The following LARS1 variants were observed in gnomAD, a reference collection of about 807,000 sequenced individuals.
The protein encoded by LARS1 is leucyl-tRNA synthetase 1.
LARS1 carries 100 observed loss-of-function variants against 162.8 expected under a neutral mutation model. The ratio of observed to expected loss-of-function variants is 0.61; its 90% CI spans 0.52 to 0.73. The LOEUF (loss-of-function observed/expected upper bound fraction) is 0.73. Ranked by LOEUF, LARS1 falls within the 30% of genes least tolerant of loss-of-function variation. The probability of loss-of-function intolerance (pLI) is 0.00; values close to 1 mark genes in which losing one functional copy is unlikely to be tolerated. For missense variants in LARS1, 1,258 were observed against 1,408.9 expected (o/e 0.89, Z 1.71); for synonymous variants, 457 against 462.8 (o/e 0.99, Z 0.16).
intron 25 of LARS1, among the ~76,000 whole-genome samples, 171 bp from the exon 26 acceptor site, chr5:146,129,289 G>A (rs1016378934): frequency 2.0e-5 from 3 of 152,160 alleles, no homozygotes; most frequent in Non-Finnish European, 4.4e-5. Context: ...ATGTTCCCTA[G>A]AATTCAAGCT....
rs1315356019 is a variant in LARS1, at chr5:146,159,402, A to G, written c.771+5T>C. 1.9e-6 allele frequency: 3 copies of G among 1,604,456 alleles called. No homozygotes were observed. Among genetic ancestry groups the G allele is most frequent in the African/African-American group, 2.7e-5 (2 of 74,712 alleles). Reference sequence around the variant, plus strand: ...TAATAGCTACTCTGTCTCACAAATAATCACCTCTCCAGTTTGTCTATCATG... The same window carrying G: ...TAATAGCTACTCTGTCTCACAAATAGTCACCTCTCCAGTTTGTCTATCATG... On this transcript the variant is annotated splice_donor_5th_base_variant and intron_variant, in intron 8 of 31. Coordinates refer to ENST00000394434, the MANE Select transcript of LARS1 (RefSeq NM_020117.11).
In LARS1 at chr5:146,113,359, C is replaced by T. The variant is rs1211519259; in HGVS notation, c.*747G>A. On this transcript the variant is annotated 3_prime_UTR_variant, in exon 32 of 32. Coordinates refer to ENST00000394434, the MANE Select transcript of LARS1 (RefSeq NM_020117.11). Reference sequence around the variant, plus strand: ...GATTATAGGTGTGAGCCACCACACCCGACCAGCATGACCTTTAAACACAAT... The same window carrying T: ...GATTATAGGTGTGAGCCACCACACCTGACCAGCATGACCTTTAAACACAAT... The T allele has an allele frequency of 1.3e-5, 2 of 151,832 alleles. No homozygotes were observed. Among genetic ancestry groups the T allele is most frequent in the Admixed American group, 6.6e-5 (1 of 15,238 alleles). 9.4% of individuals were successfully genotyped at this position (151,832 alleles called of 1,614,324 possible).
At position 146,135,606 on chromosome 5, in the gene LARS1, G is replaced by A. The variant is rs1752469954; in HGVS notation, c.2207C>T (p.Ala736Val). The change falls in exon 22 of 32, where the codon GCA (alanine) becomes GTA (valine). Residue 736 changes from alanine (A) to valine (V), a missense_variant. Physicochemically the swap from Ala to Val is moderately conservative, Grantham distance 64. Coordinates refer to ENST00000394434, the MANE Select transcript of LARS1 (RefSeq NM_020117.11). Reference sequence around the variant, plus strand: ...TAAGAAAAATGTTTACTCACCATCTGCTGAAAATTTGTCAATAGCTTGGGT... The same window carrying A: ...TAAGAAAAATGTTTACTCACCATCTACTGAAAATTTGTCAATAGCTTGGGT... Reference protein sequence around the residue: ...TLTQAIDKFSADGMRLALADA... With the variant: ...TLTQAIDKFSVDGMRLALADA... 1 of 1,602,500 alleles carries A rather than the reference G, an allele frequency of 6.2e-7. No homozygotes were observed. The highest frequency in any genetic ancestry group is 1.3e-5 in the African/African-American group (1 of 74,540).
intron 6 of LARS1, among the ~76,000 whole-genome samples, chr5:146,160,846 C>A (rs1753748165): frequency 6.6e-6 from 1 of 152,154 alleles, no homozygotes; most frequent in Admixed American, 6.5e-5. Context: ...CATTCTAATT[C>A]AACAAATAGT....
intron 20 of LARS1, among the ~76,000 whole-genome samples, chr5:146,142,205 T>C (rs1752812278): frequency 6.6e-6 from 1 of 151,996 alleles, no homozygotes; most frequent in Non-Finnish European, 1.5e-5. Context: ...GGAGAATTGC[T>C]TGAACCTTAG....
At chr5:146,137,343 C>T (rs894902221) in intron 21 of LARS1, among the ~76,000 whole-genome samples, 1 of 150,014 alleles carries the variant, frequency 6.7e-6, no homozygotes, top group Non-Finnish European at 1.5e-5. Context: ...TAATTTTGTA[C>T]TTTTTTTTTT....
chr5:146,153,679 A>C (rs1259237737), intron 12 of LARS1, 55 bp downstream of exon 12: 2 of 1,358,730 alleles, frequency 1.5e-6, no homozygotes, highest in Non-Finnish European at 2.1e-6. Flanking sequence ...GTTCAGCAGC[A>C]CCTAAGCAAT....
intron 22 of LARS1, among the ~76,000 whole-genome samples, chr5:146,135,266 C>T (rs1294398672): frequency 2.0e-5 from 3 of 151,798 alleles, no homozygotes; most frequent in Non-Finnish European, 4.4e-5. Flanking sequence ...ATACACCCAC[C>T]TCGGCCTCCC....
chr5:146,120,428 C>T lies in LARS1; in HGVS notation c.3268G>A (p.Gly1090Arg). Residue 1090 changes from glycine to arginine, a missense_variant, in exon 31 of 32, where the codon GGA becomes AGA. Coordinates refer to ENST00000394434, the MANE Select transcript of LARS1 (RefSeq NM_020117.11). ...HFSTKIEIRQ[G>R]DNCDSIIRRL... ...CTGATTATGGAATCACAGTTATCTCCTTGCCTGATTTCAATTTTGGTTGAG... is the reference window on the plus strand; with the variant it reads ...CTGATTATGGAATCACAGTTATCTCTTTGCCTGATTTCAATTTTGGTTGAG... 4 of 1,613,344 alleles carry T rather than the reference C, an allele frequency of 2.5e-6. No homozygotes were observed. Among genetic ancestry groups the T allele is most frequent in the Non-Finnish European group, 2.5e-6 (3 of 1,179,464 alleles).
rs550290803 is a variant in LARS1 at position 146,143,789 on chromosome 5, G to A, written c.1739-239C>T. Among the ~76,000 whole-genome samples, 6 of 152,040 alleles carry A rather than the reference G, an allele frequency of 3.9e-5. No homozygotes were observed. The South Asian group carries it at 6.2e-4, about 16-fold the overall frequency. On this transcript the variant is annotated intron_variant, in intron 18 of 31. Coordinates refer to ENST00000394434, the MANE Select transcript of LARS1 (RefSeq NM_020117.11). ...CAAGGCAGGTGGATCACCTGAGGTCGGGAGTTCAAGACCAAACTGGCCAAC... is the reference window on the plus strand; with the variant it reads ...CAAGGCAGGTGGATCACCTGAGGTCAGGAGTTCAAGACCAAACTGGCCAAC...
At chr5:146,143,621 G>T (rs757760414) in intron 18 of LARS1, 71 bp from the exon 19 acceptor site, 228 of 1,408,110 alleles carry the variant, frequency 1.6e-4, no homozygotes, top group Non-Finnish European at 2.0e-4. Flanking sequence ...TTTTTAAGAA[G>T]GGGGCTATAA....
chr5:146,122,109 G>C (rs576557527), intron 30 of LARS1, among the ~76,000 whole-genome samples: 1 of 152,174 alleles, frequency 6.6e-6, no homozygotes, highest in South Asian at 2.1e-4. Context: ...ATACAAAACA[G>C]CCTTGAATAA....
At chr5:146,150,626 C>CAAAAAAAAAA (rs71581862) in intron 14 of LARS1, among the ~76,000 whole-genome samples, 8 of 68,812 alleles carry the variant, frequency 1.2e-4, no homozygotes, top group Admixed American at 5.4e-4. Context: ...GACTCCGTCT[C>CAAAAAAAAAA]AAAAAAAAAA....
At chr5:146,122,662 C>G in intron 29 of LARS1, 75 bp from the exon 30 acceptor site, 1 of 747,224 alleles carries the variant, frequency 1.3e-6, no homozygotes, top group Non-Finnish European at 2.3e-6. Flanking sequence ...CTCATTTCAC[C>G]AAGAACAAAA....
At chr5:146,170,610 G>T (rs1185581996) in intron 4 of LARS1, among the ~76,000 whole-genome samples, 1 of 152,136 alleles carries the variant, frequency 6.6e-6, no homozygotes, top group Non-Finnish European at 1.5e-5. Context: ...TAATGTAGAA[G>T]AATGCCCTTG....
chr5:146,137,062 A>T (rs1337167015), intron 21 of LARS1, among the ~76,000 whole-genome samples: 3 of 151,918 alleles, frequency 2.0e-5, no homozygotes, highest in Admixed American at 6.6e-5. Context: ...AGGCCCAGCT[A>T]ATTTTTTGTA....
In LARS1 at chr5:146,141,535, G is replaced by A. The variant is rs893227379; in HGVS notation, c.2091-1274C>T. 3.9e-5 allele frequency among the ~76,000 whole-genome samples: 6 copies of A among 152,324 alleles called. No individual in the cohort carries two copies. In the East Asian group the frequency reaches 1.2e-3, roughly 29 times the overall value. On this transcript the variant is annotated intron_variant, in intron 20 of 31. Transcript: ENST00000394434. Reference sequence around the variant, plus strand: ...GAAAAATACTAGGGCCAGGCACGGTGGCTCATACCTGTAATCCGAGTACTT... The same window carrying A: ...GAAAAATACTAGGGCCAGGCACGGTAGCTCATACCTGTAATCCGAGTACTT...
chr5:146,135,061 C>A (rs1752446685), intron 22 of LARS1, among the ~76,000 whole-genome samples: 1 of 151,856 alleles, frequency 6.6e-6, no homozygotes, highest in African/African-American at 2.4e-5. Context: ...AGCTGGAGTG[C>A]AATGCAATCT....
At chr5:146,149,799 CG>C in intron 14 of LARS1, 100 bp from the exon 15 acceptor site, 4 of 799,250 alleles carry the variant, frequency 5.0e-6, no homozygotes, top group South Asian at 4.5e-5. Flanking sequence ...TTCTGCCCAC[CG>C]AAATATTTTT....
Sources: gnomAD v4.1 joint callset for allele counts (sites outside exome capture counted in the v4.1 genomes callset) on GRCh38, gnomAD v4.1.1 for gene constraint, MANE v1.5 for transcripts, NCBI Gene and HGNC (gene_info 2026-07-23, HGNC 2026-07-21) for gene names.